Variants in GAN observed in about 807,000 individuals in gnomAD.
The protein encoded by GAN is gigaxonin, also known as epididymis secretory sperm binding protein.
A neutral mutation model predicts 71.3 loss-of-function variants in GAN; 48 were observed. That is an observed-to-expected ratio of 0.67 (90% CI 0.53 to 0.86). The LOEUF (loss-of-function observed/expected upper bound fraction) is 0.86, where lower values mean the gene tolerates loss of function less well. GAN is among the 40% of genes least tolerant of loss of function. The pLI is 0.00. For missense variants in GAN, 928 were observed against 770.1 expected, an observed-to-expected ratio of 1.21 and a Z score of -2.43; for synonymous variants, 386 against 276.8, an observed-to-expected ratio of 1.39 and a Z score of -3.92.
intron 9 of GAN, among the ~76,000 whole-genome samples, chr16:81,373,811 C>G (rs1162234136): frequency 6.6e-6 from 1 of 152,184 alleles, no homozygotes; most frequent in Admixed American, 6.5e-5. Context: ...GGCGCGATCT[C>G]AGCTCACTGC....
chr16:81,353,257 A>C (rs536048189), intron 2 of GAN, among the ~76,000 whole-genome samples: 8 of 144,316 alleles, frequency 5.5e-5, no homozygotes, highest in Admixed American at 1.4e-4. Flanking sequence ...GCGCCACTGC[A>C]CTCCAGCGTG....
intron 2 of GAN, among the ~76,000 whole-genome samples, chr16:81,353,117 C>T (rs540975992): frequency 3.3e-5 from 5 of 152,050 alleles, no homozygotes; most frequent in African/African-American, 1.2e-4. Flanking sequence ...CGGTGAAACC[C>T]CGTCTCTACT....
chr16:81,349,199 G>A lies in GAN; in HGVS notation c.168-2384G>A, dbSNP rs149553511. ...TATCTTTCACCCCCTGCCCCACCCC[G>A]ACCCCGTCCTCACCTACCCTGTACT... is the stretch of plus-strand genomic sequence containing the variant. On this transcript the variant is annotated intron_variant, in intron 1 of 10. Transcript: ENST00000648994. Among the ~76,000 whole-genome samples, 149 of 145,054 alleles carry A rather than the reference G, an allele frequency of 1.0e-3. 1 individual carries two copies. The highest frequency in any genetic ancestry group is 3.3e-3 in the African/African-American group (130 of 39,550).
intron 9 of GAN, among the ~76,000 whole-genome samples, chr16:81,365,687 A>T (rs981306914): frequency 6.6e-6 from 1 of 151,268 alleles, no homozygotes; most frequent in African/African-American, 2.4e-5. Context: ...TAATATGTAG[A>T]TGAGATCTTG....
At chr16:81,345,690 C>T (rs1910095642) in intron 1 of GAN, among the ~76,000 whole-genome samples, 1 of 152,110 alleles carries the variant, frequency 6.6e-6, no homozygotes, top group Non-Finnish European at 1.5e-5. Flanking sequence ...CACATGTATA[C>T]CTGTGTAACA....
At chr16:81,344,466 C>G (rs1339232408) in intron 1 of GAN, among the ~76,000 whole-genome samples, 2 of 152,160 alleles carry the variant, frequency 1.3e-5, no homozygotes, top group East Asian at 1.9e-4. Flanking sequence ...TGACACCACA[C>G]ATCTACCACC....
chr16:81,340,515 C>G (rs919112392), intron 1 of GAN, among the ~76,000 whole-genome samples: 3 of 152,156 alleles, frequency 2.0e-5, no homozygotes, highest in Non-Finnish European at 4.4e-5. Context: ...GGACCTCCAG[C>G]AAACCCCCAC....
chr16:81,334,985 A>C (rs1178896124), intron 1 of GAN, among the ~76,000 whole-genome samples: 3 of 152,198 alleles, frequency 2.0e-5, no homozygotes, highest in East Asian at 3.8e-4. Context: ...GACATTAAAC[A>C]AATGCGTCTT....
At chr16:81,353,931 C>G (rs922096569) in intron 2 of GAN, among the ~76,000 whole-genome samples, 1 of 152,226 alleles carries the variant, frequency 6.6e-6, no homozygotes, top group Non-Finnish European at 1.5e-5. Flanking sequence ...GGAAACCCCT[C>G]TCCCTTCAAG....
intron 1 of GAN, among the ~76,000 whole-genome samples, chr16:81,333,797 C>G (rs1909665777): frequency 6.6e-6 from 1 of 152,192 alleles, no homozygotes; most frequent in Non-Finnish European, 1.5e-5. Context: ...ATCCACCAAT[C>G]CAGTTTTCAC....
At chr16:81,356,680 T>C in intron 3 of GAN, 105 bp from the exon 4 acceptor site, 1 of 836,102 alleles carries the variant, frequency 1.2e-6, no homozygotes, top group Admixed American at 1.7e-5. Flanking sequence ...GGTAATAACC[T>C]GAGTGTTAAC....
At chr16:81,341,417 A>C (rs1467686204) in intron 1 of GAN, among the ~76,000 whole-genome samples, 1 of 152,262 alleles carries the variant, frequency 6.6e-6, no homozygotes, top group Non-Finnish European at 1.5e-5. Context: ...AAGGGAGCCC[A>C]TCAGACTAAC....
At chr16:81,376,866 C>G (rs1567501092) in intron 9 of GAN, among the ~76,000 whole-genome samples, 1 of 152,022 alleles carries the variant, frequency 6.6e-6, no homozygotes, top group East Asian at 1.9e-4. Context: ...GTCTGAAAAA[C>G]CAACAAATTC....
At chr16:81,358,059 G>T in intron 5 of GAN, 128 bp downstream of exon 5, 1 of 841,012 alleles carries the variant, frequency 1.2e-6, no homozygotes. Flanking sequence ...TTTTAGTGTA[G>T]TTCTAGCTTC....
At chr16:81,363,061 G>T (rs992875985) in intron 6 of GAN, among the ~76,000 whole-genome samples, 2 of 152,224 alleles carry the variant, frequency 1.3e-5, no homozygotes, top group African/African-American at 4.8e-5. Flanking sequence ...CTAGAATCGT[G>T]CTTGGCACGT....
At chr16:81,355,505 A>G (rs1371746872) in intron 3 of GAN, among the ~76,000 whole-genome samples, 1 of 152,168 alleles carries the variant, frequency 6.6e-6, no homozygotes, top group Non-Finnish European at 1.5e-5. Flanking sequence ...CTAGGACCAC[A>G]GGCGTGTGCC....
At chr16:81,355,230 G>A (rs998313840) in intron 3 of GAN, among the ~76,000 whole-genome samples, 2 of 152,188 alleles carry the variant, frequency 1.3e-5, no homozygotes, top group African/African-American at 2.4e-5. Context: ...GAGAAAGCAG[G>A]CAGGCTCTGG....
chr16:81,367,773 G>A (rs1201563640), intron 9 of GAN, among the ~76,000 whole-genome samples: 1 of 152,216 alleles, frequency 6.6e-6, no homozygotes, highest in Non-Finnish European at 1.5e-5. Context: ...TGAGGAAAGG[G>A]TGAGCGGTGT....
At chr16:81,357,698 G>A in intron 4 of GAN, 112 bp from the exon 5 acceptor site, 1 of 1,062,748 alleles carries the variant, frequency 9.4e-7, no homozygotes. Flanking sequence ...TTCCACAAGG[G>A]TTTTTAAAAA....
Sources: allele counts gnomAD v4.1 joint callset (sites outside exome capture counted in the v4.1 genomes callset), GRCh38; gene constraint gnomAD v4.1.1; transcripts MANE v1.5; gene names NCBI Gene and HGNC (gene_info 2026-07-23, HGNC 2026-07-21).